BBS4: variants seen among roughly 807,000 people sequenced by gnomAD.
BBS4 encodes the protein BBSome complex member BBS4.
In BBS4, 58 loss-of-function variants were observed where a neutral mutation model predicts 71.4. The ratio of observed to expected loss-of-function variants is 0.81; its 90% CI spans 0.66 to 1.01. The LOEUF is 1.01. BBS4 is among the 50% of genes least tolerant of loss of function. The probability of loss-of-function intolerance (pLI) is 0.00; values close to 1 mark genes in which losing one functional copy is unlikely to be tolerated. For synonymous variants in BBS4, 228 were observed against 216.8 expected (o/e 1.05, Z -0.46); for missense variants, 660 against 607.9 (o/e 1.09, Z -0.90).
chr15:72,729,342 C>T (rs1434374488), intron 9 of BBS4, among the ~76,000 whole-genome samples: 1 of 149,834 alleles, frequency 6.7e-6, no homozygotes, highest in Non-Finnish European at 1.5e-5. Flanking sequence ...CCTCTGCCTC[C>T]TGGGTTCAAG....
chr15:72,704,413 T>G, intron 2 of BBS4: 1 of 1,284,276 alleles, frequency 7.8e-7, no homozygotes, highest in African/African-American at 1.5e-5. Context: ...AACCAGTATC[T>G]CCATTTTTAG....
rs200252138 is a variant in BBS4 at position 72,719,749 on chromosome 15, C to CTTT, written c.405+2912_405+2914dup. ...TGTGATCATTCACAAAACAGCCATTCTTTTTTTTTTTTTTTGTTGAGACAG... is the reference window on the plus strand; with the variant it reads ...TGTGATCATTCACAAAACAGCCATTCTTTTTTTTTTTTTTTTTTGTTGAGACAG... On this transcript the variant is annotated intron_variant, in intron 6 of 15. Transcript: ENST00000268057. 5.1e-4 allele frequency among the ~76,000 whole-genome samples: 22 copies of CTTT among 43,284 alleles called. 2 individuals carry two copies. In the East Asian group the frequency reaches 6.2e-3, roughly 12 times the overall value. The allele number at this position is 43,284 out of a possible 152,430, so 28.4% of individuals were successfully genotyped here. A position where few individuals can be genotyped will look rare whatever the true frequency, so the allele number is the denominator to read the frequency against.
chr15:72,719,899 C>T (rs1226179275), intron 6 of BBS4, among the ~76,000 whole-genome samples: 9 of 151,398 alleles, frequency 5.9e-5, no homozygotes, highest in East Asian at 2.0e-4. Flanking sequence ...TACAGGCACC[C>T]GCCACCATGC....
chr15:72,714,605 G>A (rs2065436185), intron 4 of BBS4, among the ~76,000 whole-genome samples: 1 of 152,156 alleles, frequency 6.6e-6, no homozygotes, highest in African/African-American at 2.4e-5. Flanking sequence ...ACTCTTGGGT[G>A]TAAATAAATG....
intron 12 of BBS4, among the ~76,000 whole-genome samples, chr15:72,733,008 C>A (rs2065854415): frequency 6.6e-6 from 1 of 152,088 alleles, no homozygotes; most frequent in African/African-American, 2.4e-5. Context: ...AGTGTCAGGG[C>A]CCAGTAAAGG....
At position 72,731,643 on chromosome 15, in the gene BBS4, A is replaced by C. The variant is rs1263749747; in HGVS notation, c.953A>C (p.Gln318Pro). The change falls in exon 12 of 16, where the codon CAG (glutamine) becomes CCG (proline). Residue 318 changes from glutamine to proline, a missense_variant. Transcript: ENST00000268057. ...YNLGLVHLTM[Q>P]QYASAFHFLS... ...TTGGGCCTTGTCCATTTGACCATGCAGCAGTATGCATCAGCTTTTCATTTT... is the reference window on the plus strand; with the variant it reads ...TTGGGCCTTGTCCATTTGACCATGCCGCAGTATGCATCAGCTTTTCATTTT... 3 of 1,614,104 alleles carry C rather than the reference A, an allele frequency of 1.9e-6. No individual in the cohort carries two copies. In the African/African-American group the frequency reaches 4.0e-5, roughly 22 times the overall value.
At chr15:72,716,287 A>G (rs923085017) in intron 5 of BBS4, among the ~76,000 whole-genome samples, 4 of 152,094 alleles carry the variant, frequency 2.6e-5, no homozygotes, top group Admixed American at 6.5e-5. Context: ...TGGAGTTCCT[A>G]TCTCCCCTTT....
chr15:72,715,184 A>G (rs1166699725), intron 4 of BBS4, 107 bp from the exon 5 acceptor site: 2 of 768,684 alleles, frequency 2.6e-6, no homozygotes, highest in East Asian at 5.1e-5. Flanking sequence ...CAAAGGATTT[A>G]CTTGATGTGG....
At chr15:72,730,420 G>A (rs536172847) in intron 10 of BBS4, among the ~76,000 whole-genome samples, 142 of 152,206 alleles carry the variant, frequency 9.3e-4, no homozygotes, top group South Asian at 3.1e-3. Context: ...CACATAGTGA[G>A]ACCCCCATTT....
intron 1 of BBS4, among the ~76,000 whole-genome samples, chr15:72,690,248 C>CCTATG (rs1440571877): frequency 1.3e-5 from 2 of 152,006 alleles, no homozygotes; most frequent in Non-Finnish European, 2.9e-5. Flanking sequence ...AGATATAGTG[C>CCTATG]CTATGTATCA....
intron 6 of BBS4, among the ~76,000 whole-genome samples, chr15:72,717,861 CG>C (rs34400686): frequency 0.96 from 146,725 of 152,088 alleles, 70,924 homozygotes; most frequent in Non-Finnish European, 0.99. Flanking sequence ...GTGTGTGGTG[CG>C]GGGGGGTACA....
chr15:72,692,613 G>GATCTATCTGTCTTAAAC (rs1446075551), intron 1 of BBS4, among the ~76,000 whole-genome samples: 5 of 149,956 alleles, frequency 3.3e-5, no homozygotes, highest in East Asian at 4.0e-4. Context: ...ACACCTGGCT[G>GATCTATCTGTCTTAAAC]TTTGTTTGTT....
At position 72,695,201 on chromosome 15, in the gene BBS4, G is replaced by C; in HGVS notation, c.49G>C (p.Glu17Gln). ...GAGAACTCAATTTCCTGTATCTACT[G>C]AGTCTCAAAAACCCCGGCAGAAAAA... is the stretch of plus-strand genomic sequence containing the variant. ...ATRTQFPVSTESQKPRQKKAP... is the reference protein window; with the variant it reads ...ATRTQFPVSTQSQKPRQKKAP... Residue 17 changes from glutamate (E) to glutamine (Q), a missense_variant, in exon 2 of 16, where the codon GAG becomes CAG. Physicochemically the swap from Glu to Gln is conservative, Grantham distance 29. Transcript: ENST00000268057. The C allele has an allele frequency of 6.2e-7, 1 of 1,606,688 alleles. No individual in the cohort carries two copies. The highest frequency in any genetic ancestry group is 8.5e-7 in the Non-Finnish European group (1 of 1,173,538).
intron 14 of BBS4, among the ~76,000 whole-genome samples, chr15:72,736,459 C>T (rs567823753): frequency 6.6e-6 from 1 of 152,166 alleles, no homozygotes; most frequent in East Asian, 1.9e-4. Context: ...CCAGGATGGT[C>T]TTGATCTCTT....
At chr15:72,727,863 G>T in intron 8 of BBS4, 77 bp from the exon 9 acceptor site, 1 of 1,091,786 alleles carries the variant, frequency 9.2e-7, no homozygotes, top group Non-Finnish European at 1.4e-6. Flanking sequence ...AGTATTGCAC[G>T]AGGGCATATT....
chr15:72,690,854 C>T (rs1258266512), intron 1 of BBS4, among the ~76,000 whole-genome samples: 2 of 152,102 alleles, frequency 1.3e-5, no homozygotes, highest in Non-Finnish European at 2.9e-5. Flanking sequence ...GTGATTTTTC[C>T]ACATCCCTGT....
chr15:72,715,867 C>G (rs2065459727), intron 5 of BBS4, among the ~76,000 whole-genome samples: 1 of 152,194 alleles, frequency 6.6e-6, no homozygotes, highest in Non-Finnish European at 1.5e-5. Flanking sequence ...AGAAACTGTA[C>G]TTCAAGTATC....
At chr15:72,703,467 T>C (rs746643998) in intron 2 of BBS4, among the ~76,000 whole-genome samples, 39 of 152,238 alleles carry the variant, frequency 2.6e-4, no homozygotes, top group Admixed American at 4.6e-4. Context: ...AGATTTGTTA[T>C]CTCTTTTGAT....
intron 2 of BBS4, among the ~76,000 whole-genome samples, chr15:72,703,535 ATTAAC>A (rs1236649677): frequency 6.6e-6 from 1 of 152,218 alleles, no homozygotes; most frequent in Non-Finnish European, 1.5e-5. Context: ...GCATGAGGAA[ATTAAC>A]ATTTATTGAA....
Sources: gnomAD v4.1 joint callset for allele counts (sites outside exome capture counted in the v4.1 genomes callset) on GRCh38, gnomAD v4.1.1 for gene constraint, MANE v1.5 for transcripts, NCBI Gene and HGNC (gene_info 2026-07-23, HGNC 2026-07-21) for gene names.